The following TLK1 variants were observed in gnomAD, a reference collection of about 807,000 sequenced individuals.
TLK1 encodes tousled like kinase 1.
Under a neutral mutation model 105.3 loss-of-function variants are expected in TLK1, and 24 were observed. The observed-to-expected ratio is 0.23, with a 90% CI of 0.17 to 0.32. The LOEUF (loss-of-function observed/expected upper bound fraction) is 0.32, where lower values mean the gene tolerates loss of function less well. Among genes scored for constraint, TLK1 ranks in the 10% least tolerant of loss-of-function variants. The pLI is 1.00. For synonymous variants in TLK1, 321 were observed against 310.4 expected, an observed-to-expected ratio of 1.03 and a Z score of -0.36; for missense variants, 558 against 910.5, an observed-to-expected ratio of 0.61 and a Z score of 4.98.
At chr2:171,104,501 A>G (rs886171416) in intron 2 of TLK1, among the ~76,000 whole-genome samples, 7 of 152,212 alleles carry the variant, frequency 4.6e-5, no homozygotes, top group African/African-American at 1.4e-4. Flanking sequence ...TACAGATTCA[A>G]TGCAATTCCT....
chr2:171,036,321 T>C (rs974571360), intron 11 of TLK1, among the ~76,000 whole-genome samples: 1 of 152,124 alleles, frequency 6.6e-6, no homozygotes, highest in Non-Finnish European at 1.5e-5. Context: ...GGTGGGCACC[T>C]GTAAACCCCA....
At chr2:171,028,296 T>A in intron 12 of TLK1, 43 bp downstream of exon 12, 1 of 1,380,914 alleles carries the variant, frequency 7.2e-7, no homozygotes, top group East Asian at 2.3e-5. Flanking sequence ...CCACAAATTC[T>A]GGTAGCAAAT....
At chr2:171,105,060 A>T (rs777193310) in intron 2 of TLK1, among the ~76,000 whole-genome samples, 5 of 152,180 alleles carry the variant, frequency 3.3e-5, no homozygotes, top group Non-Finnish European at 7.3e-5. Context: ...ACTAGAAGAA[A>T]CCTTAGAGGA....
intron 1 of TLK1, among the ~76,000 whole-genome samples, chr2:171,134,083 G>A (rs1233213048): frequency 6.6e-6 from 1 of 152,022 alleles, no homozygotes; most frequent in African/African-American, 2.4e-5. Context: ...AAACCTAAAT[G>A]CCATGCAGCA....
intron 2 of TLK1, among the ~76,000 whole-genome samples, chr2:171,089,236 A>T (rs898090137): frequency 6.6e-6 from 1 of 152,164 alleles, no homozygotes; most frequent in African/African-American, 2.4e-5. Flanking sequence ...TCAGGACATG[A>T]ATCTATGGTT....
chr2:171,061,270 G>A (rs1687735249), intron 3 of TLK1, 114 bp from the exon 4 acceptor site: 1 of 831,262 alleles, frequency 1.2e-6, no homozygotes, highest in Non-Finnish European at 1.9e-6. Context: ...TAGTGCTCAA[G>A]AGATGTTAAT....
intron 1 of TLK1, among the ~76,000 whole-genome samples, chr2:171,186,601 C>T (rs532768846): frequency 3.3e-5 from 5 of 152,238 alleles, no homozygotes; most frequent in African/African-American, 9.6e-5. Context: ...CTAGGAGAAG[C>T]CCAGCACTAA....
At chr2:171,123,220 G>C (rs975003202) in intron 1 of TLK1, among the ~76,000 whole-genome samples, 1 of 151,900 alleles carries the variant, frequency 6.6e-6, no homozygotes, top group Non-Finnish European at 1.5e-5. Flanking sequence ...GTTTTGAGAC[G>C]GAGTCTTGCT....
chr2:171,053,959 G>A (rs756588670), intron 7 of TLK1, 106 bp from the exon 8 acceptor site: 6 of 803,704 alleles, frequency 7.5e-6, no homozygotes, highest in Non-Finnish European at 1.1e-5. Context: ...AAATATATTT[G>A]TGTGTATATG....
At chr2:171,184,750 T>C (rs17282929) in intron 1 of TLK1, among the ~76,000 whole-genome samples, 35,244 of 152,170 alleles carry the variant, frequency 0.23, 4,507 homozygotes, top group Middle Eastern at 0.31. Flanking sequence ...TTACTGTATG[T>C]ATAATTCCTA....
intron 3 of TLK1, among the ~76,000 whole-genome samples, chr2:171,063,728 T>C (rs148704679): frequency 1.4e-4 from 21 of 152,306 alleles, no homozygotes; most frequent in African/African-American, 5.1e-4. Flanking sequence ...GACTATGTTC[T>C]AAATGAGGGT....
At chr2:171,131,974 G>T (rs986735555) in intron 1 of TLK1, among the ~76,000 whole-genome samples, 2 of 152,054 alleles carry the variant, frequency 1.3e-5, no homozygotes, top group South Asian at 2.1e-4. Context: ...ACTAGCTGAC[G>T]TACTGCTAAA....
chr2:171,094,073 T>C (rs767993592), intron 2 of TLK1, among the ~76,000 whole-genome samples: 5 of 152,126 alleles, frequency 3.3e-5, no homozygotes, highest in Non-Finnish European at 5.9e-5. Context: ...AAACACAGAA[T>C]AGGTGGCTCA....
At chr2:170,998,080 A>G (rs905210287) in intron 18 of TLK1, among the ~76,000 whole-genome samples, 1 of 96,200 alleles carries the variant, frequency 1.0e-5, no homozygotes, top group Admixed American at 1.1e-4. Context: ...CTATCTATCT[A>G]TCTATCTATC....
intron 10 of TLK1, among the ~76,000 whole-genome samples, chr2:171,047,558 G>A (rs545957013): frequency 1.3e-4 from 20 of 152,164 alleles, no homozygotes; most frequent in Non-Finnish European, 2.2e-4. Context: ...GATTGAAAGG[G>A]TAGAGAAAAA....
chr2:171,006,324 A>G, intron 17 of TLK1, 42 bp from the exon 18 acceptor site: 1 of 1,531,588 alleles, frequency 6.5e-7, no homozygotes, highest in Non-Finnish European at 8.8e-7. Flanking sequence ...TACATACATG[A>G]AAAACATAAC....
chr2:171,006,424 T>C (rs2105362746), intron 17 of TLK1, 50 bp downstream of exon 17: 1 of 1,521,318 alleles, frequency 6.6e-7, no homozygotes, highest in Non-Finnish European at 8.8e-7. Flanking sequence ...TGAATGACTT[T>C]TAAAAACTAT....
At chr2:171,137,433 C>T (rs917087593) in intron 1 of TLK1, among the ~76,000 whole-genome samples, 1 of 151,992 alleles carries the variant, frequency 6.6e-6, no homozygotes, top group Non-Finnish European at 1.5e-5. Context: ...AAATAAAAAG[C>T]CATAGCCTTT....
upstream of TLK1, among the ~76,000 whole-genome samples, chr2:171,164,204 C>T (rs1692565787): frequency 6.6e-6 from 1 of 151,988 alleles, no homozygotes; most frequent in African/African-American, 2.4e-5. Flanking sequence ...CAGCACTCAC[C>T]AACCTTTAAA....
Sources: allele counts gnomAD v4.1 joint callset (sites outside exome capture counted in the v4.1 genomes callset), GRCh38; gene constraint gnomAD v4.1.1; transcripts MANE v1.5; gene names NCBI Gene and HGNC (gene_info 2026-07-23, HGNC 2026-07-21).